Variants in BICD1 observed in about 807,000 individuals in gnomAD.
BICD1 encodes BICD cargo adaptor 1.
BICD1 carries 35 observed loss-of-function variants against 92.5 expected under a neutral mutation model. The ratio of observed to expected loss-of-function variants is 0.38; its 90% CI spans 0.29 to 0.50. The LOEUF (loss-of-function observed/expected upper bound fraction) is 0.50, where lower values mean the gene tolerates loss of function less well. Among genes scored for constraint, BICD1 ranks in the 20% least tolerant of loss-of-function variants. BICD1 has a pLI of 0.93. For synonymous variants in BICD1, 429 were observed against 465.1 expected (o/e 0.92, Z 1.00); for missense variants, 950 against 1,189.8 (o/e 0.80, Z 2.97).
chr12:32,369,281 A>C (rs1051214444), intron 9 of BICD1, among the ~76,000 whole-genome samples: 2 of 152,224 alleles, frequency 1.3e-5, no homozygotes, highest in African/African-American at 4.8e-5. Context: ...ATCTCCAGCC[A>C]CCTGGCCTCT....
chr12:32,123,092 T>G (rs975004120), intron 1 of BICD1, among the ~76,000 whole-genome samples: 2 of 152,004 alleles, frequency 1.3e-5, no homozygotes, highest in African/African-American at 4.8e-5. Flanking sequence ...AGATAGCACG[T>G]TAGATCATCC....
At chr12:32,310,197 ATGTAT>A (rs944724901) in intron 4 of BICD1, among the ~76,000 whole-genome samples, 5 of 152,222 alleles carry the variant, frequency 3.3e-5, no homozygotes, top group African/African-American at 9.6e-5. Flanking sequence ...GTTAATAACA[ATGTAT>A]TGTATTGAAA....
intron 4 of BICD1, 132 bp from the exon 5 acceptor site, chr12:32,327,329 T>A (rs1311062856): frequency 7.1e-6 from 8 of 1,132,338 alleles, no homozygotes; most frequent in Non-Finnish European, 9.9e-6. Context: ...ACACTCCAAT[T>A]TAATTTGAAA....
At chr12:32,344,674 T>C (rs1938503927) in intron 8 of BICD1, among the ~76,000 whole-genome samples, 1 of 152,232 alleles carries the variant, frequency 6.6e-6, no homozygotes, top group Admixed American at 6.5e-5. Flanking sequence ...GACCTGCTCT[T>C]ACTGCTTTCC....
At chr12:32,123,931 C>T (rs981850050) in intron 1 of BICD1, among the ~76,000 whole-genome samples, 1 of 152,048 alleles carries the variant, frequency 6.6e-6, no homozygotes, top group East Asian at 1.9e-4. Flanking sequence ...GAGTAGACCA[C>T]TTGTTTTAAA....
chr12:32,118,327 C>T lies in BICD1; in HGVS notation c.213+10783C>T, dbSNP rs1426144771. 5.3e-5 allele frequency among the ~76,000 whole-genome samples: 8 copies of T among 151,736 alleles called. No homozygotes were observed. In the East Asian group the frequency reaches 7.7e-4, roughly 15 times the overall value. On this transcript the variant is annotated intron_variant, in intron 1 of 9. Transcript: ENST00000652176. ...CGATCTCTTGACCTTGTGATCCGCC[C>T]GCCTCGGCCTCCCAAAGTGCTGGGA...
intron 1 of BICD1, among the ~76,000 whole-genome samples, chr12:32,139,367 TTG>T (rs778306978): frequency 5.9e-5 from 9 of 152,006 alleles, no homozygotes; most frequent in Admixed American, 2.0e-4. Flanking sequence ...GTGTGTGTGT[TTG>T]TGTGTGTCTG....
chr12:32,248,511 G>A (rs574837285), intron 2 of BICD1, among the ~76,000 whole-genome samples: 85 of 152,254 alleles, frequency 5.6e-4, no homozygotes, highest in African/African-American at 2.0e-3. Context: ...AAGGAGAGAG[G>A]TGGGAGGGAT....
At chr12:32,193,952 C>G (rs577173510) in intron 1 of BICD1, among the ~76,000 whole-genome samples, 2 of 152,216 alleles carry the variant, frequency 1.3e-5, no homozygotes, top group Non-Finnish European at 2.9e-5. Context: ...AAGTTCTCAA[C>G]AAAATACCAG....
rs187940497 is a variant in BICD1 at position 32,223,473 on chromosome 12, C to T, written c.426+7014C>T. 5.3e-5 allele frequency among the ~76,000 whole-genome samples: 8 copies of T among 149,950 alleles called. No individual in the cohort carries two copies. The East Asian group carries it at 5.9e-4, about 11-fold the overall frequency. ...CAGGTGTTGCAGTGAGCCAAGATCG[C>T]GCCACTGCACTGGAGCCTGAGTAAC... On this transcript the variant is annotated intron_variant, in intron 2 of 9. Transcript: ENST00000652176.
At chr12:32,233,301 G>A (rs1203646852) in intron 2 of BICD1, among the ~76,000 whole-genome samples, 1 of 129,304 alleles carries the variant, frequency 7.7e-6, no homozygotes, top group Non-Finnish European at 1.6e-5. Context: ...CAGCCTGGAT[G>A]ACAGAGCAAG....
chr12:32,171,213 C>A (rs79551770), intron 1 of BICD1, among the ~76,000 whole-genome samples: 1 of 152,210 alleles, frequency 6.6e-6, no homozygotes, highest in Non-Finnish European at 1.5e-5. Flanking sequence ...AGGCGACACA[C>A]GTCACGATCA....
intron 5 of BICD1, among the ~76,000 whole-genome samples, chr12:32,332,247 T>C (rs1337250083): frequency 1.3e-5 from 2 of 151,754 alleles, no homozygotes; most frequent in African/African-American, 4.8e-5. Context: ...AGGAAGGAGA[T>C]GATCAGGAAA....
At chr12:32,321,556 C>A (rs1948656965) in intron 4 of BICD1, among the ~76,000 whole-genome samples, 1 of 152,160 alleles carries the variant, frequency 6.6e-6, no homozygotes, top group Non-Finnish European at 1.5e-5. Context: ...GACAACTATT[C>A]TCAGTCACTA....
At chr12:32,212,310 TA>T (rs201506275) in intron 1 of BICD1, among the ~76,000 whole-genome samples, 2,058 of 152,366 alleles carry the variant, frequency 0.014, 62 homozygotes, top group African/African-American at 0.047. Flanking sequence ...GATTAACACA[TA>T]ATCTTTTCTG....
rs1328750422 is a variant in BICD1, at chr12:32,346,618, ATATATATATATATATACGTG to A, written c.2764+7656_2764+7675del. Among the ~76,000 whole-genome samples the A allele has an allele frequency of 8.6e-3, 159 of 18,444 alleles. 19 individuals are homozygous for A. Among genetic ancestry groups the A allele is most frequent in the African/African-American group, 0.031 (92 of 3,014 alleles). 12.1% of individuals were successfully genotyped at this position (18,444 alleles called of 152,430 possible). A position where few individuals can be genotyped will look rare whatever the true frequency, so the allele number is the denominator to read the frequency against. ...TATATATATATATATATATACGTGTATATATATATATATATACGTGTATATATATATATATATATACACAC... is the reference window on the plus strand; with the variant it reads ...TATATATATATATATATATACGTGTATATATATATATATATATATACACAC... On this transcript the variant is annotated intron_variant, in intron 8 of 9. Coordinates refer to ENST00000652176, the MANE Select transcript of BICD1 (RefSeq NM_001714.4).
intron 1 of BICD1, among the ~76,000 whole-genome samples, chr12:32,184,929 G>A (rs1282945667): frequency 6.6e-6 from 1 of 152,222 alleles, no homozygotes; most frequent in Admixed American, 6.5e-5. Flanking sequence ...TCCAGAAGGT[G>A]TTTTATAAAT....
chr12:32,222,904 C>T (rs1413873698), intron 2 of BICD1, among the ~76,000 whole-genome samples: 2 of 152,126 alleles, frequency 1.3e-5, no homozygotes, highest in African/African-American at 4.8e-5. Flanking sequence ...CCTGCCAGCA[C>T]CTTAATCTTA....
At chr12:32,184,502 CT>C (rs1944372722) in intron 1 of BICD1, among the ~76,000 whole-genome samples, 2 of 152,026 alleles carry the variant, frequency 1.3e-5, no homozygotes, top group Non-Finnish European at 2.9e-5. Context: ...GGCCAGGCTG[CT>C]CTTGAACTCC....
Sources: allele counts gnomAD v4.1 joint callset (sites outside exome capture counted in the v4.1 genomes callset), GRCh38; gene constraint gnomAD v4.1.1; transcripts MANE v1.5; gene names NCBI Gene and HGNC (gene_info 2026-07-23, HGNC 2026-07-21).